Variants in VPS13B observed in about 807,000 individuals in gnomAD.
VPS13B encodes the protein intermembrane lipid transfer protein VPS13B.
VPS13B carries 285 observed loss-of-function variants against 426.4 expected under a neutral mutation model. The observed-to-expected ratio is 0.67, with a 90% CI of 0.61 to 0.74. The LOEUF is 0.74. Ranked by LOEUF, VPS13B falls within the 30% of genes least tolerant of loss-of-function variation. The pLI, the probability that VPS13B is intolerant of heterozygous loss-of-function variation, is 0.00. For missense variants in VPS13B, 4,537 were observed against 4,782.6 expected (o/e 0.95, Z 1.51); for synonymous variants, 1,676 against 1,676.4 (o/e 1.00, Z 0.01).
At chr8:99,683,564 A>T (rs999477836) in intron 35 of VPS13B, among the ~76,000 whole-genome samples, 2 of 152,208 alleles carry the variant, frequency 1.3e-5, no homozygotes, top group South Asian at 4.1e-4. Context: ...TACAGATCCT[A>T]TGACCATTTG....
At chr8:99,622,555 T>TA (rs1198314737) in intron 33 of VPS13B, among the ~76,000 whole-genome samples, 1 of 152,188 alleles carries the variant, frequency 6.6e-6, no homozygotes, top group Non-Finnish European at 1.5e-5. Context: ...TTAGATTGCC[T>TA]AAAAAACAAA....
intron 23 of VPS13B, 26 bp downstream of exon 23, chr8:99,442,661 G>T: frequency 1.2e-6 from 2 of 1,601,594 alleles, no homozygotes; most frequent in South Asian, 1.1e-5. Flanking sequence ...TTTTTCCTAT[G>T]GTTAATGTTT....
intron 17 of VPS13B, among the ~76,000 whole-genome samples, chr8:99,218,092 A>G (rs1439461988): frequency 1.3e-5 from 2 of 152,218 alleles, no homozygotes; most frequent in Non-Finnish European, 2.9e-5. Flanking sequence ...GATTTTGATT[A>G]TATCCAAATA....
chr8:99,481,396 G>A (rs1350892230), intron 24 of VPS13B, among the ~76,000 whole-genome samples: 1 of 152,154 alleles, frequency 6.6e-6, no homozygotes, highest in Non-Finnish European at 1.5e-5. Flanking sequence ...TAATCCACAG[G>A]AATGCTAGGT....
At chr8:99,250,805 G>A (rs1037314748) in intron 17 of VPS13B, among the ~76,000 whole-genome samples, 110 of 147,508 alleles carry the variant, frequency 7.5e-4, no homozygotes, top group African/African-American at 2.6e-3. Context: ...CCACCTCAGA[G>A]CCTCCAGAGT....
chr8:99,048,230 A>G (rs936311322), intron 3 of VPS13B, among the ~76,000 whole-genome samples: 2 of 151,966 alleles, frequency 1.3e-5, no homozygotes, highest in African/African-American at 4.8e-5. Context: ...TATAATTTCA[A>G]TTTTCTTAAA....
intron 21 of VPS13B, among the ~76,000 whole-genome samples, chr8:99,406,854 A>G (rs1425737409): frequency 1.3e-5 from 2 of 152,204 alleles, no homozygotes; most frequent in African/African-American, 4.8e-5. Flanking sequence ...AGGAATTAGA[A>G]AAGTTTTCAT....
chr8:99,078,077 A>T (rs1845234320), intron 3 of VPS13B, among the ~76,000 whole-genome samples: 1 of 150,110 alleles, frequency 6.7e-6, no homozygotes, highest in South Asian at 2.1e-4. Flanking sequence ...TGATTCATGA[A>T]TTTTTTTTTA....
At chr8:99,046,854 T>C (rs1307631751) in intron 3 of VPS13B, among the ~76,000 whole-genome samples, 1 of 152,206 alleles carries the variant, frequency 6.6e-6, no homozygotes, top group Non-Finnish European at 1.5e-5. Context: ...TGTTAAACCA[T>C]CCCTGCATCT....
At chr8:99,402,831 G>A (rs1815112255) in intron 21 of VPS13B, among the ~76,000 whole-genome samples, 1 of 152,228 alleles carries the variant, frequency 6.6e-6, no homozygotes, top group South Asian at 2.1e-4. Context: ...TAAGTCTCAT[G>A]ATATGCTTAA....
At chr8:99,744,162 A>G (rs1306475872) in intron 39 of VPS13B, among the ~76,000 whole-genome samples, 1 of 152,236 alleles carries the variant, frequency 6.6e-6, no homozygotes, top group Non-Finnish European at 1.5e-5. Flanking sequence ...GGTGAAGGAT[A>G]TGAACAGACG....
intron 19 of VPS13B, among the ~76,000 whole-genome samples, chr8:99,299,032 T>G (rs1180936524): frequency 6.6e-6 from 1 of 151,186 alleles, no homozygotes; most frequent in East Asian, 1.9e-4. Flanking sequence ...AAGAGCGATC[T>G]TGGCCAAGTT....
Position 99,276,490 on chromosome 8 carries a change from G to C in VPS13B, c.2824+1236G>C, listed in dbSNP as rs114560182. The stretch of plus-strand genomic sequence containing the variant: ...AAATACTTTCTTAAAGGGCCTGACA[G>C]CTAATATTTTAGGGTTTATGGCCCA... On this transcript the variant is annotated intron_variant, in intron 19 of 61. Transcript: ENST00000357162. Among the ~76,000 whole-genome samples the C allele has an allele frequency of 3.2e-3, 483 of 152,262 alleles. 2 individuals carry two copies. The highest frequency in any genetic ancestry group is 0.01 in the African/African-American group (427 of 41,556).
At chr8:99,122,659 A>T (rs1395454777) in intron 8 of VPS13B, among the ~76,000 whole-genome samples, 1 of 152,228 alleles carries the variant, frequency 6.6e-6, no homozygotes, top group Non-Finnish European at 1.5e-5. Flanking sequence ...ATCTTAATTC[A>T]TTCAACAAAT....
At chr8:99,770,391 G>A (rs552411396) in intron 40 of VPS13B, among the ~76,000 whole-genome samples, 1 of 144,708 alleles carries the variant, frequency 6.9e-6, no homozygotes, top group African/African-American at 2.5e-5. Context: ...CTCCCATCGT[G>A]TATGTATTTG....
intron 25 of VPS13B, among the ~76,000 whole-genome samples, chr8:99,491,759 C>A (rs537975054): frequency 5.9e-5 from 9 of 152,168 alleles, no homozygotes; most frequent in African/African-American, 1.9e-4. Flanking sequence ...GTTAGCCATT[C>A]ATCTAACCAT....
chr8:99,524,895 C>A (rs1457734688), intron 30 of VPS13B, among the ~76,000 whole-genome samples: 1 of 152,114 alleles, frequency 6.6e-6, no homozygotes, highest in Non-Finnish European at 1.5e-5. Flanking sequence ...ACTTAAAGTG[C>A]TGAAGGAAAA....
At chr8:99,108,777 AAAAATTTT>A (rs1174974175) in intron 5 of VPS13B, among the ~76,000 whole-genome samples, 2 of 152,094 alleles carry the variant, frequency 1.3e-5, no homozygotes, top group African/African-American at 2.4e-5. Flanking sequence ...GTGGTTCCAT[AAAAATTTT>A]AGGATTGTTT....
At chr8:99,126,875 C>G (rs1200714656) in intron 8 of VPS13B, among the ~76,000 whole-genome samples, 1 of 152,160 alleles carries the variant, frequency 6.6e-6, no homozygotes, top group East Asian at 1.9e-4. Flanking sequence ...AGGCGGATCA[C>G]TTGAGCCCAG....
Sources: allele counts gnomAD v4.1 joint callset (sites outside exome capture counted in the v4.1 genomes callset), GRCh38; gene constraint gnomAD v4.1.1; transcripts MANE v1.5; gene names NCBI Gene and HGNC (gene_info 2026-07-23, HGNC 2026-07-21).